PCDHGA2: variants seen among roughly 807,000 people sequenced by gnomAD.
PCDHGA2 encodes protocadherin gamma subfamily A, 2, also known as protocadherin gamma-A2.
A neutral mutation model predicts 59.2 loss-of-function variants in PCDHGA2; 40 were observed. The ratio of observed to expected loss-of-function variants is 0.68; its 90% confidence interval spans 0.52 to 0.88. The LOEUF (loss-of-function observed/expected upper bound fraction) is 0.88. PCDHGA2 is among the 40% of genes least tolerant of loss of function. The pLI, the probability that PCDHGA2 is intolerant of heterozygous loss-of-function variation, is 0.00. For synonymous variants in PCDHGA2, 560 were observed against 526.0 expected, an observed-to-expected ratio of 1.06 and a Z score of -0.89; for missense variants, 1,226 against 1,204.0, an observed-to-expected ratio of 1.02 and a Z score of -0.27.
Position 141,422,925 on chromosome 5 carries a change from T to C in PCDHGA2, c.2425-71882T>C, listed in dbSNP as rs568894245. ...ACAATGCGCCCGAGATCCTGTACCC[T>C]GCCCTCCCCACAGACGGCTCCACTG... On this transcript the variant is annotated intron_variant, in intron 1 of 3. Transcript: ENST00000394576. 1.4e-4 allele frequency: 220 copies of C among 1,614,202 alleles called. 2 individuals are homozygous for C. The South Asian group carries it at 2.2e-3, about 16-fold the overall frequency.
chr5:141,352,512 G>A, intron 1 of PCDHGA2: 7 of 1,614,006 alleles, frequency 4.3e-6, no homozygotes, highest in Non-Finnish European at 5.9e-6. Context: ...TACAATCTAT[G>A]TATTGCCTCT....
rs756915110 is a variant in PCDHGA2, at chr5:141,490,431, T to C, written c.2425-4376T>C. 6 of 1,614,036 alleles carry C rather than the reference T, an allele frequency of 3.7e-6. No individual in the cohort carries two copies. In the South Asian group the frequency reaches 6.6e-5, roughly 18 times the overall value. ...TCTCTCCGGACCTGCCATTTCAGATTAAGCCTTCTGAGAACCACTACTCGC... is the reference window on the plus strand; with the variant it reads ...TCTCTCCGGACCTGCCATTTCAGATCAAGCCTTCTGAGAACCACTACTCGC... On this transcript the variant is annotated intron_variant, in intron 1 of 3. Transcript: ENST00000394576. The surrounding 1 kb of genome is among the most constrained non-coding windows in gnomAD (Gnocchi z 5.4).
In PCDHGA2 at chr5:141,477,143, G is replaced by T; in HGVS notation, c.2425-17664G>T. On this transcript the variant is annotated intron_variant, in intron 1 of 3. Transcript: ENST00000394576. The surrounding 1 kb of genome is among the most constrained non-coding windows in gnomAD (Gnocchi z 4.9). The stretch of plus-strand genomic sequence containing the variant: ...ACATTGCAAAGTGTTGGTGGAGGTT[G>T]TGGATGTGAATGACAACGCCCCGGA... The T allele has an allele frequency of 6.2e-7, 1 of 1,614,198 alleles. No homozygotes were observed. The highest frequency in any genetic ancestry group is 8.5e-7 in the Non-Finnish European group (1 of 1,180,036).
chr5:141,508,627 C>T (rs566012494), intron 3 of PCDHGA2, among the ~76,000 whole-genome samples: 1 of 152,262 alleles, frequency 6.6e-6, no homozygotes, highest in South Asian at 2.1e-4. Flanking sequence ...GTGGGCCGAG[C>T]TTCTAGCTAC....
chr5:141,487,577 C>A lies in PCDHGA2; in HGVS notation c.2425-7230C>A. 1.2e-6 allele frequency: 2 copies of A among 1,614,150 alleles called. No individual in the cohort carries two copies. Among genetic ancestry groups the A allele is most frequent in the Non-Finnish European group, 1.7e-6 (2 of 1,180,024 alleles). ...ACCTATGGCAGGGGAGCCTGTTCGC[C>A]CAAGCTGCCCACCCTCTGATCTTCT... On this transcript the variant is annotated intron_variant, in intron 1 of 3. Coordinates refer to ENST00000394576, the MANE Select transcript of PCDHGA2 (RefSeq NM_018915.4). The surrounding 1 kb of genome is among the most constrained non-coding windows in gnomAD (Gnocchi z 5.0).
At chr5:141,437,011 T>C (rs2097858173) in intron 1 of PCDHGA2, among the ~76,000 whole-genome samples, 1 of 152,236 alleles carries the variant, frequency 6.6e-6, no homozygotes, top group Non-Finnish European at 1.5e-5. Flanking sequence ...GGATCTTAGA[T>C]AATTTCACCA....
chr5:141,390,537 A>G (rs565157857), intron 1 of PCDHGA2: 629 of 520,554 alleles, frequency 1.2e-3, no homozygotes, highest in Non-Finnish European at 1.9e-3. Context: ...GGTTTTAACC[A>G]CAAAGTGAAA....
At chr5:141,480,652 A>C (rs1488188393) in intron 1 of PCDHGA2, among the ~76,000 whole-genome samples, 4 of 152,220 alleles carry the variant, frequency 2.6e-5, no homozygotes, top group Non-Finnish European at 5.9e-5. Context: ...TTGGTTGCAC[A>C]TTAAAATCAC....
chr5:141,510,633 TACCA>T (rs2099882032), intron 3 of PCDHGA2, among the ~76,000 whole-genome samples: 1 of 152,110 alleles, frequency 6.6e-6, no homozygotes, highest in Admixed American at 6.6e-5. Flanking sequence ...AAGAGGTGGT[TACCA>T]TTATCATCCC....
At chr5:141,442,129 G>T in intron 1 of PCDHGA2, 1 of 165,104 alleles carries the variant, frequency 6.1e-6, no homozygotes, top group Non-Finnish European at 1.3e-5. Flanking sequence ...CCGACAGCCT[G>T]CAGGAGACTC....
rs1424221139 is a variant in PCDHGA2, at chr5:141,491,867, T to G, written c.2425-2940T>G. On this transcript the variant is annotated intron_variant, in intron 1 of 3. Coordinates refer to ENST00000394576, the MANE Select transcript of PCDHGA2 (RefSeq NM_018915.4). The surrounding 1 kb of genome is among the most constrained non-coding windows in gnomAD (Gnocchi z 6.9). ...TTGGACCGTTTGCGCGAAACCAGAG[T>G]GGCCGATTAAGGGATGGGGCTCCGA... 2 of 1,452,218 alleles carry G rather than the reference T, an allele frequency of 1.4e-6. No homozygotes were observed. The highest frequency in any genetic ancestry group is 1.8e-6 in the Non-Finnish European group (2 of 1,099,056). 90.0% of individuals were successfully genotyped at this position (1,452,218 alleles called of 1,614,324 possible).
At chr5:141,399,821 C>T in intron 1 of PCDHGA2, 1 of 1,613,210 alleles carries the variant, frequency 6.2e-7, no homozygotes, top group Non-Finnish European at 8.5e-7. Flanking sequence ...GCGCTGGGTC[C>T]CGACGGCTCT....
rs774071540 is a variant in PCDHGA2, at chr5:141,511,042, G to A, written c.2668G>A (p.Asp890Asn). 8 of 1,614,064 alleles carry A rather than the reference G, an allele frequency of 5.0e-6. No homozygotes were observed. Among genetic ancestry groups the A allele is most frequent in the Non-Finnish European group, 6.8e-6 (8 of 1,180,016 alleles). Residue 890 changes from aspartate to asparagine, a missense_variant, in exon 4 of 4, where the codon GAC becomes AAC. Physicochemically the swap from Asp to Asn is conservative, Grantham distance 23. Coordinates refer to ENST00000394576, the MANE Select transcript of PCDHGA2 (RefSeq NM_018915.4). Reference sequence around the variant, plus strand: ...CCAGTTCACCCTGCAGCACGTGCCCGACTACCGCCAGAATGTCTACATCCC... The same window carrying A: ...CCAGTTCACCCTGCAGCACGTGCCCAACTACCGCCAGAATGTCTACATCCC... ...GPQFTLQHVPDYRQNVYIPGS... is the reference protein window; with the variant it reads ...GPQFTLQHVPNYRQNVYIPGS...
chr5:141,359,076 G>T (rs1165492241), intron 1 of PCDHGA2, among the ~76,000 whole-genome samples: 2 of 152,194 alleles, frequency 1.3e-5, no homozygotes, highest in East Asian at 1.9e-4. Context: ...TTACAAAGGA[G>T]AGTTTTAGTT....
chr5:141,390,723 A>G (rs2092214355), intron 1 of PCDHGA2: 1 of 196,804 alleles, frequency 5.1e-6, no homozygotes, highest in Non-Finnish European at 1.0e-5. Context: ...TAACTAATTT[A>G]ACTGGTATGG....
intron 1 of PCDHGA2, among the ~76,000 whole-genome samples, chr5:141,396,957 T>C (rs1169025850): frequency 6.6e-6 from 1 of 152,214 alleles, no homozygotes; most frequent in East Asian, 1.9e-4. Flanking sequence ...AGAAAATCCT[T>C]ACTCTCCCTA....
At chr5:141,352,105 G>C (rs764701256) in intron 1 of PCDHGA2, 5 of 1,606,928 alleles carry the variant, frequency 3.1e-6, no homozygotes, top group Non-Finnish European at 4.2e-6. Flanking sequence ...TCTTCAGCCT[G>C]GGGTTGCGCA....
At position 141,338,898 on chromosome 5, in the gene PCDHGA2, A is replaced by C. The variant is rs916713098; in HGVS notation, c.-74A>C. On this transcript the variant is annotated 5_prime_UTR_variant, in exon 1 of 4. Transcript: ENST00000394576. ...GTCCCGTGAATGCTGGTTATCTCACACCCTGAGGAATAAAGATTGGAATCC... is the reference window on the plus strand; with the variant it reads ...GTCCCGTGAATGCTGGTTATCTCACCCCCTGAGGAATAAAGATTGGAATCC... 72 of 1,485,956 alleles carry C rather than the reference A, an allele frequency of 4.8e-5. No individual in the cohort carries two copies. The highest frequency in any genetic ancestry group is 7.1e-5 in the South Asian group (5 of 70,414). 92.0% of individuals were successfully genotyped at this position (1,485,956 alleles called of 1,614,324 possible).
chr5:141,339,836 T>A lies in PCDHGA2; in HGVS notation c.865T>A (p.Ser289Thr), dbSNP rs1756882662. ...TCTAGAGAAAAGCCCTGGAGAAACC[T>A]CAGAGGTATTTGAGCTTAAGTCAAC... ...YFLEKSPGET[S>T]EVFELKSTSG... Residue 289 changes from serine to threonine, a missense_variant, in exon 1 of 4, where the codon TCA becomes ACA. Physicochemically the swap from Ser to Thr is moderately conservative, Grantham distance 58. Transcript: ENST00000394576. 1.2e-6 allele frequency: 2 copies of A among 1,614,130 alleles called. No homozygotes were observed. Among genetic ancestry groups the A allele is most frequent in the Non-Finnish European group, 1.7e-6 (2 of 1,180,010 alleles).
Sources: allele counts gnomAD v4.1 joint callset (sites outside exome capture counted in the v4.1 genomes callset), GRCh38; gene constraint gnomAD v4.1.1; non-coding constraint Gnocchi (gnomAD v3.1); transcripts MANE v1.5; gene names NCBI Gene and HGNC (gene_info 2026-07-23, HGNC 2026-07-21).